Variants in DOCK6 observed in about 807,000 individuals in gnomAD.
DOCK6 encodes dedicator of cytokinesis protein 6.
In DOCK6, 167 loss-of-function variants were observed where a neutral mutation model predicts 230.3. That is an observed-to-expected ratio of 0.73 (90% CI 0.64 to 0.82). The LOEUF (loss-of-function observed/expected upper bound fraction) is 0.82. Ranked by LOEUF, DOCK6 falls within the 40% of genes least tolerant of loss-of-function variation. The probability of loss-of-function intolerance (pLI) is 0.00; values close to 1 mark genes in which losing one functional copy is unlikely to be tolerated. For synonymous variants in DOCK6, 1,148 were observed against 1,185.0 expected (o/e 0.97, Z 0.64); for missense variants, 2,598 against 2,825.8 (o/e 0.92, Z 1.83).
chr19:11,232,090 C>T, intron 22 of DOCK6: 2 of 929,240 alleles, frequency 2.2e-6, no homozygotes, highest in Admixed American at 3.1e-5. Context: ...CTCCTTCAGG[C>T]AGCCCCCCTA....
rs374307163 is a variant in DOCK6 at position 11,222,207 on chromosome 19, G to A, written c.3282C>T (p.Thr1094=). The change falls in exon 27 of 48, where the codon ACC becomes ACT. Residue 1094 remains threonine, a synonymous_variant. Transcript: ENST00000294618. This position sits in a 1 kb window ranked among gnomAD's most constrained non-coding sequence, Gnocchi z 4.0. ...ATGGTCCACTCAGTTCGAACATGCT[G>A]GTCACCTTGGGGTCCGGGGCTTGGC... ...FSSQAPDPKV[T]SMFELSGPFR... 389 of 1,605,872 alleles carry A rather than the reference G, an allele frequency of 2.4e-4. No homozygotes were observed. Among genetic ancestry groups the A allele is most frequent in the Non-Finnish European group, 3.2e-4 (379 of 1,176,500 alleles).
In DOCK6 at chr19:11,222,266, A is replaced by T. The variant is rs1197034008; in HGVS notation, c.3241-18T>A. 1 of 1,587,474 alleles carries T rather than the reference A, an allele frequency of 6.3e-7. No homozygotes were observed. Among genetic ancestry groups the T allele is most frequent in the Admixed American group, 1.8e-5 (1 of 55,308 alleles). ...GTGGAGCTCTGCAGAGTGGGGGAAAAATGGGGGATGCCAGCGGTCAAGGGT... is the reference window on the plus strand; with the variant it reads ...GTGGAGCTCTGCAGAGTGGGGGAAATATGGGGGATGCCAGCGGTCAAGGGT... On this transcript the variant is annotated intron_variant, in intron 26 of 47. Coordinates refer to ENST00000294618, the MANE Select transcript of DOCK6 (RefSeq NM_020812.4). This position sits in a 1 kb window ranked among gnomAD's most constrained non-coding sequence, Gnocchi z 4.0.
intron 6 of DOCK6, 136 bp downstream of exon 6, chr19:11,250,738 G>A (rs368351242): frequency 8.4e-6 from 7 of 833,606 alleles, no homozygotes; most frequent in African/African-American, 3.4e-5. Context: ...TACAGTAGGT[G>A]CCCAATAAAC....
Position 11,237,781 on chromosome 19 carries a change from T to G in DOCK6, c.1833-2A>C. 1.3e-6 allele frequency: 2 copies of G among 1,564,188 alleles called. No individual in the cohort carries two copies. The highest frequency in any genetic ancestry group is 1.7e-6 in the Non-Finnish European group (2 of 1,154,830). ...AACTCCTCGTAGAACTCGGGGGACC[T>G]GGCAGAATCGGGCTGGGGGATCTGC... On this transcript the variant is annotated splice_acceptor_variant, in intron 16 of 47. Coordinates refer to ENST00000294618, the MANE Select transcript of DOCK6 (RefSeq NM_020812.4). LOFTEE classifies it high-confidence loss of function.
At chr19:11,209,934 TC>T (rs2079343043) in intron 37 of DOCK6, among the ~76,000 whole-genome samples, 1 of 87,868 alleles carries the variant, frequency 1.1e-5, no homozygotes, top group South Asian at 4.8e-4. Context: ...CACCTGTCTA[TC>T]CCCTTACCTG....
intron 37 of DOCK6, among the ~76,000 whole-genome samples, chr19:11,211,140 A>G (rs570364405): frequency 2.6e-4 from 38 of 143,962 alleles, no homozygotes; most frequent in Non-Finnish European, 4.9e-4. Context: ...TCACCTGTCT[A>G]TCCCTTCACC....
In DOCK6 at chr19:11,204,272, G is replaced by C. The variant is rs1440624627; in HGVS notation, c.5148C>G (p.Ala1716=). Residue 1716 remains alanine, a synonymous_variant, in exon 40 of 48, where the codon GCC becomes GCG. Transcript: ENST00000294618. ...CGGCCAGCTTCTTGTAGTCACGGTG[G>C]GCTTCCAGGATGGGGATGAGGTTCT... The part of the protein sequence containing the change: ...VYKNLIPILE[A]HRDYKKLAAV... 1 of 1,605,536 alleles carries C rather than the reference G, an allele frequency of 6.2e-7. No individual in the cohort carries two copies. The highest frequency in any genetic ancestry group is 1.3e-5 in the African/African-American group (1 of 74,810).
intron 1 of DOCK6, among the ~76,000 whole-genome samples, chr19:11,255,380 C>G (rs372240194): frequency 6.6e-6 from 1 of 151,074 alleles, no homozygotes; most frequent in East Asian, 1.9e-4. Context: ...TATCGGCTCA[C>G]TGCAACCTTC....
chr19:11,223,452 G>A lies in DOCK6; in HGVS notation c.2956-346C>T, dbSNP rs540316804. Among the ~76,000 whole-genome samples the A allele has an allele frequency of 3.4e-4, 52 of 152,240 alleles. No homozygotes were observed. The South Asian group carries it at 0.01, about 30-fold the overall frequency. On this transcript the variant is annotated intron_variant, in intron 24 of 47. Transcript: ENST00000294618. ...TGGGATTTGAGGGGAAAGTGAGGTG[G>A]CCACTTATATGGCAGAAGCAGGTGG... is the stretch of plus-strand genomic sequence containing the variant.
intron 22 of DOCK6, among the ~76,000 whole-genome samples, chr19:11,231,691 G>C (rs1329881442): frequency 6.6e-6 from 1 of 152,220 alleles, no homozygotes; most frequent in Non-Finnish European, 1.5e-5. Context: ...CTCAGAGCAT[G>C]GGGTGAGCTC....
chr19:11,211,323 G>A (rs1055895298), intron 37 of DOCK6, among the ~76,000 whole-genome samples: 10 of 149,730 alleles, frequency 6.7e-5, no homozygotes, highest in African/African-American at 9.9e-5. Flanking sequence ...TCACCCGTCC[G>A]CCTCTCCTAC....
At chr19:11,247,064 G>A (rs574428003) in intron 7 of DOCK6, among the ~76,000 whole-genome samples, 18 of 152,214 alleles carry the variant, frequency 1.2e-4, no homozygotes, top group South Asian at 4.1e-4. Context: ...TGTGGTCATC[G>A]CATGGTTATG....
At position 11,252,477 on chromosome 19, in the gene DOCK6, C is replaced by G. The variant is rs757454260; in HGVS notation, c.377+5G>C. 4 of 1,613,878 alleles carry G rather than the reference C, an allele frequency of 2.5e-6. No homozygotes were observed. The highest frequency in any genetic ancestry group is 3.4e-6 in the Non-Finnish European group (4 of 1,179,884). ...CCCCCTGAGCTGCCCCTAAGTCAGA[C>G]TCACCTTCTGTGGACAATGACCCAG... On this transcript the variant is annotated splice_donor_5th_base_variant and intron_variant, in intron 4 of 47. Coordinates refer to ENST00000294618, the MANE Select transcript of DOCK6 (RefSeq NM_020812.4).
rs375196890 is a variant in DOCK6 at position 11,252,841 on chromosome 19, C to G, written c.250G>C (p.Glu84Gln). The change falls in exon 3 of 48, where the codon GAG (glutamate) becomes CAG (glutamine). Residue 84 changes from glutamate (E) to glutamine (Q), a missense_variant. Transcript: ENST00000294618. ...CATTCCCGGGGCTGCAGCAGCAGCT[C>G]CAAGTCATCAGCTGGGAATTCTACC... ...DLVEFPADDL[E>Q]LLLQPRECRT... The G allele has an allele frequency of 8.7e-6, 14 of 1,613,658 alleles. No individual in the cohort carries two copies. Among genetic ancestry groups the G allele is most frequent in the Non-Finnish European group, 1.2e-5 (14 of 1,179,836 alleles).
Position 11,213,319 on chromosome 19 carries a change from G to A in DOCK6, c.4348C>T (p.Leu1450=). 2 of 1,611,298 alleles carry A rather than the reference G, an allele frequency of 1.2e-6. No individual in the cohort carries two copies. The highest frequency in any genetic ancestry group is 2.2e-5 in the South Asian group (2 of 90,870). The change falls in exon 35 of 48, where the codon CTG becomes TTG. Residue 1450 remains leucine, a synonymous_variant. Coordinates refer to ENST00000294618, the MANE Select transcript of DOCK6 (RefSeq NM_020812.4). ...QRALVSKFPE[L]LFEEDTELCA... ...AGCTCCGTGTCCTCCTCGAACAGCA[G>A]CTCCGGGAACTGCCCCCAAGGACCC...
chr19:11,218,519 CT>C (rs2079529650), intron 28 of DOCK6, among the ~76,000 whole-genome samples: 1 of 152,118 alleles, frequency 6.6e-6, no homozygotes, highest in South Asian at 2.1e-4. Flanking sequence ...ACAATCTTGG[CT>C]TACTGCAGCC....
In DOCK6 at chr19:11,243,171, C is replaced by T. The variant is rs376578951; in HGVS notation, c.1387-19G>A. 7 of 1,613,072 alleles carry T rather than the reference C, an allele frequency of 4.3e-6. No individual in the cohort carries two copies. The highest frequency in any genetic ancestry group is 1.7e-5 in the Admixed American group (1 of 60,016). Reference sequence around the variant, plus strand: ...CAGCCTCCTACATGGGACCCACTCCCGTCAGCCTGGGCCAGGGGGCTAGGG... The same window carrying T: ...CAGCCTCCTACATGGGACCCACTCCTGTCAGCCTGGGCCAGGGGGCTAGGG... On this transcript the variant is annotated intron_variant, in intron 12 of 47. Coordinates refer to ENST00000294618, the MANE Select transcript of DOCK6 (RefSeq NM_020812.4). This position sits in a 1 kb window ranked among gnomAD's most constrained non-coding sequence, Gnocchi z 6.3.
chr19:11,225,715 A>G (rs1457305856), intron 24 of DOCK6, among the ~76,000 whole-genome samples: 5 of 151,086 alleles, frequency 3.3e-5, no homozygotes, highest in Admixed American at 6.6e-5. Flanking sequence ...TAAAAAAACA[A>G]AAACAAAACC....
rs561355594 is a variant in DOCK6 at position 11,242,764 on chromosome 19, C to T, written c.1480+295G>A. 5.9e-5 allele frequency among the ~76,000 whole-genome samples: 9 copies of T among 152,246 alleles called. No individual in the cohort carries two copies. In the South Asian group the frequency reaches 1.9e-3, roughly 32 times the overall value. On this transcript the variant is annotated intron_variant, in intron 13 of 47. Coordinates refer to ENST00000294618, the MANE Select transcript of DOCK6 (RefSeq NM_020812.4). ...TCAGCCTCCCAAAGTGTTGGCGTTACAGACTTGAGCCACTGCACCCCAGCC... is the reference window on the plus strand; with the variant it reads ...TCAGCCTCCCAAAGTGTTGGCGTTATAGACTTGAGCCACTGCACCCCAGCC...
Sources: allele counts gnomAD v4.1 joint callset (sites outside exome capture counted in the v4.1 genomes callset), GRCh38; gene constraint gnomAD v4.1.1; non-coding constraint Gnocchi (gnomAD v3.1); transcripts MANE v1.5; gene names NCBI Gene and HGNC (gene_info 2026-07-23, HGNC 2026-07-21).